The following RAB20 variants were observed in gnomAD, a reference collection of about 807,000 sequenced individuals.
RAB20 encodes the protein ras-related protein Rab-20.
RAB20 carries 2 observed loss-of-function variants against 3.7 expected under a neutral mutation model. The ratio of observed to expected loss-of-function variants is 0.54; its 90% CI spans 0.22 to 1.69. The LOEUF is 1.69. Ranked by LOEUF, RAB20 falls within the 40% of genes most tolerant of loss-of-function variation. The pLI is 0.19. For synonymous variants in RAB20, 126 were observed against 130.8 expected (o/e 0.96, Z 0.25); for missense variants, 276 against 311.9 (o/e 0.88, Z 0.87).
chr13:110,544,385 G>A (rs951298021), intron 1 of RAB20, among the ~76,000 whole-genome samples: 2 of 151,938 alleles, frequency 1.3e-5, no homozygotes, highest in South Asian at 2.1e-4. Context: ...GGCTATTTTG[G>A]GTCTTCTGTG....
intron 1 of RAB20, among the ~76,000 whole-genome samples, chr13:110,542,160 C>T (rs752336753): frequency 1.3e-5 from 2 of 152,112 alleles, no homozygotes; most frequent in Non-Finnish European, 2.9e-5. Context: ...TTAATCAGAA[C>T]GCTTGCTGTA....
At chr13:110,552,577 C>T (rs1352534736) in intron 1 of RAB20, among the ~76,000 whole-genome samples, 1 of 151,014 alleles carries the variant, frequency 6.6e-6, no homozygotes, top group Non-Finnish European at 1.5e-5. Flanking sequence ...CCTGTAGTCC[C>T]AGCTACTCAG....
intron 1 of RAB20, among the ~76,000 whole-genome samples, chr13:110,528,649 T>A (rs1406026703): frequency 6.6e-6 from 1 of 152,166 alleles, no homozygotes; most frequent in African/African-American, 2.4e-5. Flanking sequence ...GGTTTTCAAG[T>A]CTCTGTTACA....
At chr13:110,549,291 A>G (rs1884907977) in intron 1 of RAB20, among the ~76,000 whole-genome samples, 1 of 152,256 alleles carries the variant, frequency 6.6e-6, no homozygotes, top group South Asian at 2.1e-4. Context: ...GCTTGGGTTA[A>G]GCAGGAAGGA....
intron 1 of RAB20, among the ~76,000 whole-genome samples, chr13:110,529,564 G>C (rs978549782): frequency 6.6e-6 from 1 of 152,164 alleles, no homozygotes; most frequent in Non-Finnish European, 1.5e-5. Flanking sequence ...GGCTGCCCCA[G>C]AAACAGGGCA....
At chr13:110,554,389 G>C (rs769296040) in intron 1 of RAB20, among the ~76,000 whole-genome samples, 50 of 152,268 alleles carry the variant, frequency 3.3e-4, no homozygotes, top group Non-Finnish European at 5.4e-4. Flanking sequence ...CTGTCATGTG[G>C]CTGGGGGCTG....
In RAB20 at chr13:110,561,339, C is replaced by A; in HGVS notation, c.172+9G>T. ...CAGGGCGGTGTGGCTCATGCGGCGCCGGCCTCACCTGCGGTGTCCCAGATG... is the reference window on the plus strand; with the variant it reads ...CAGGGCGGTGTGGCTCATGCGGCGCAGGCCTCACCTGCGGTGTCCCAGATG... On this transcript the variant is annotated intron_variant, in intron 1 of 1. Transcript: ENST00000267328. 7 of 1,588,740 alleles carry A rather than the reference C, an allele frequency of 4.4e-6. No homozygotes were observed. The highest frequency in any genetic ancestry group is 6.0e-6 in the Non-Finnish European group (7 of 1,168,876).
intron 1 of RAB20, among the ~76,000 whole-genome samples, chr13:110,541,816 C>CCACACACACACACACACACA (rs10624545): frequency 2.0e-5 from 3 of 149,420 alleles, no homozygotes; most frequent in Non-Finnish European, 3.0e-5. Flanking sequence ...GAGTGTCCAG[C>CCACACACACACACACACACA]CACACACACA....
chr13:110,545,854 A>C (rs560820996), intron 1 of RAB20, among the ~76,000 whole-genome samples: 1 of 152,338 alleles, frequency 6.6e-6, no homozygotes, highest in South Asian at 2.1e-4. Flanking sequence ...TCTATTATTA[A>C]GCAATTAATG....
Position 110,523,260 on chromosome 13 carries a change from G to A in RAB20, c.*405C>T. 2.4e-6 allele frequency: 1 copy of A among 413,964 alleles called. No homozygotes were observed. Among genetic ancestry groups the A allele is most frequent in the Non-Finnish European group, 4.3e-6 (1 of 234,838 alleles). 25.6% of individuals were successfully genotyped at this position (413,964 alleles called of 1,614,324 possible). On this transcript the variant is annotated 3_prime_UTR_variant, in exon 2 of 2. Coordinates refer to ENST00000267328, the MANE Select transcript of RAB20 (RefSeq NM_017817.3). ...AGAGAAACGCTTGAGAACAAGAAAT[G>A]TCAGAGTTGTAGGACGTGGTAACAA...
chr13:110,538,238 CAAAAAAAAA>C (rs570075617), intron 1 of RAB20, among the ~76,000 whole-genome samples: 2 of 78,530 alleles, frequency 2.5e-5, no homozygotes, highest in African/African-American at 9.6e-5. Flanking sequence ...GACCTTGTCT[CAAAAAAAAA>C]AAAAAAAAAG....
chr13:110,533,372 G>A (rs975122941), intron 1 of RAB20, among the ~76,000 whole-genome samples: 1 of 152,166 alleles, frequency 6.6e-6, no homozygotes, highest in Admixed American at 6.5e-5. Context: ...AAAACCGATA[G>A]TGAACTTGGT....
At chr13:110,538,515 A>G (rs1357806660) in intron 1 of RAB20, among the ~76,000 whole-genome samples, 1 of 141,656 alleles carries the variant, frequency 7.1e-6, no homozygotes, top group African/African-American at 2.5e-5. Context: ...TTGGGGTGGG[A>G]GGATCACCTG....
chr13:110,554,628 C>T (rs908034657), intron 1 of RAB20, among the ~76,000 whole-genome samples: 2 of 152,180 alleles, frequency 1.3e-5, no homozygotes, highest in African/African-American at 2.4e-5. Flanking sequence ...GATTTCATAA[C>T]CAGAAACTCC....
intron 1 of RAB20, among the ~76,000 whole-genome samples, chr13:110,538,651 AG>A (rs1326042274): frequency 6.6e-6 from 1 of 151,712 alleles, no homozygotes; most frequent in Non-Finnish European, 1.5e-5. Flanking sequence ...AAAGAAATAA[AG>A]AAAGGCTGAG....
chr13:110,545,828 T>A (rs1884840882), intron 1 of RAB20, among the ~76,000 whole-genome samples: 1 of 152,206 alleles, frequency 6.6e-6, no homozygotes, highest in African/African-American at 2.4e-5. Context: ...AAGGACCTCT[T>A]TACAGTCCTT....
Position 110,524,009 on chromosome 13 carries a change from C to T in RAB20, c.361G>A (p.Gly121Arg). Reference sequence around the variant, plus strand: ...TCCTTCTCCTGGCCCGCCAAGGCCCCCTCCTCAGTGAGGTCCACTTTGTTC... The same window carrying T: ...TCCTTCTCCTGGCCCGCCAAGGCCCTCTCCTCAGTGAGGTCCACTTTGTTC... ...VGNKVDLTEE[G>R]ALAGQEKEEC... Residue 121 changes from glycine (G) to arginine (R), a missense_variant, in exon 2 of 2, where the codon GGG (glycine) becomes AGG (arginine). Coordinates refer to ENST00000267328, the MANE Select transcript of RAB20 (RefSeq NM_017817.3). The T allele has an allele frequency of 6.2e-7, 1 of 1,614,136 alleles. No individual in the cohort carries two copies. Among genetic ancestry groups the T allele is most frequent in the Non-Finnish European group, 8.5e-7 (1 of 1,180,026 alleles).
chr13:110,526,405 C>T (rs394768), intron 1 of RAB20, among the ~76,000 whole-genome samples: 53,413 of 152,120 alleles, frequency 0.35, 9,765 homozygotes, highest in African/African-American at 0.46. Flanking sequence ...GTTTTAAGCA[C>T]TCAAAACTAA....
chr13:110,544,142 T>C (rs1293029123), intron 1 of RAB20, among the ~76,000 whole-genome samples: 1 of 152,238 alleles, frequency 6.6e-6, no homozygotes, highest in Non-Finnish European at 1.5e-5. Flanking sequence ...GTACCATTTA[T>C]TGAAGAGGCT....
Sources: gnomAD v4.1 joint callset for allele counts (sites outside exome capture counted in the v4.1 genomes callset) on GRCh38, gnomAD v4.1.1 for gene constraint, MANE v1.5 for transcripts, NCBI Gene and HGNC (gene_info 2026-07-23, HGNC 2026-07-21) for gene names.